The following HOGA1 variants were observed in gnomAD, a reference collection of about 807,000 sequenced individuals.
The protein encoded by HOGA1 is 4-hydroxy-2-oxoglutarate aldolase, mitochondrial.
HOGA1 carries 30 observed loss-of-function variants against 34.3 expected under a neutral mutation model. The ratio of observed to expected loss-of-function variants is 0.87; its 90% CI spans 0.65 to 1.19. The LOEUF (loss-of-function observed/expected upper bound fraction) is 1.19. Ranked by LOEUF, HOGA1 falls within the 50% of genes most tolerant of loss-of-function variation. The probability of loss-of-function intolerance (pLI) is 0.00; values close to 1 mark genes in which losing one functional copy is unlikely to be tolerated. For missense variants in HOGA1, 417 were observed against 436.5 expected (o/e 0.96, Z 0.40); for synonymous variants, 161 against 174.0 (o/e 0.93, Z 0.59).
intron 6 of HOGA1, chr10:97,602,575 G>A: frequency 2.0e-6 from 2 of 985,380 alleles, no homozygotes; most frequent in Non-Finnish European, 2.4e-6. Flanking sequence ...ATGTGCCCCT[G>A]TATTCAAGTT....
chr10:97,586,880 C>A (rs545712316), intron 1 of HOGA1, among the ~76,000 whole-genome samples: 1 of 152,200 alleles, frequency 6.6e-6, no homozygotes, highest in Non-Finnish European at 1.5e-5. Flanking sequence ...CACCCACACA[C>A]CAGAGAGCCA....
Position 97,584,596 on chromosome 10 carries a change from C to T in HOGA1, c.-108C>T, listed in dbSNP as rs1216174899. 2.8e-5 allele frequency: 31 copies of T among 1,108,400 alleles called. No individual in the cohort carries two copies. The highest frequency in any genetic ancestry group is 4.7e-5 in the African/African-American group (3 of 64,376). The allele number at this position is 1,108,400 out of a possible 1,614,324, so 68.7% of individuals were successfully genotyped here. On this transcript the variant is annotated 5_prime_UTR_variant, in exon 1 of 7. Transcript: ENST00000370646. ...CCCAGTGGCCACAAGTCAGGGAGGC[C>T]GCAAATTTTTAACTAGAAACATTGA...
intron 6 of HOGA1, among the ~76,000 whole-genome samples, chr10:97,604,757 A>T (rs1164738898): frequency 6.6e-6 from 1 of 152,072 alleles, no homozygotes; most frequent in Non-Finnish European, 1.5e-5. Context: ...CGAGGCGGGC[A>T]GATCACCTGA....
chr10:97,598,793 C>G lies in HOGA1; in HGVS notation c.230C>G (p.Ser77Cys). 2 of 1,614,178 alleles carry G rather than the reference C, an allele frequency of 1.2e-6. No individual in the cohort carries two copies. The highest frequency in any genetic ancestry group is 1.3e-5 in the African/African-American group (1 of 75,028). ...FPFRGFVVQGSNGEFPFLTSS... is the reference protein window; with the variant it reads ...FPFRGFVVQGCNGEFPFLTSS... ...CTTGCAGGCTTCGTGGTCCAGGGCTCCAATGGCGAGTTTCCTTTCCTGACC... is the reference window on the plus strand; with the variant it reads ...CTTGCAGGCTTCGTGGTCCAGGGCTGCAATGGCGAGTTTCCTTTCCTGACC... The change falls in exon 2 of 7, where the codon TCC becomes TGC. Residue 77 changes from serine (S) to cysteine (C), a missense_variant. Physicochemically the swap from Ser to Cys is moderately radical, Grantham distance 112 (BLOSUM62 -1). Coordinates refer to ENST00000370646, the MANE Select transcript of HOGA1 (RefSeq NM_138413.4).
Position 97,612,104 on chromosome 10 carries a change from A to G in HOGA1, c.*445A>G, listed in dbSNP as rs1812286. On this transcript the variant is annotated 3_prime_UTR_variant, in exon 7 of 7. Coordinates refer to ENST00000370646, the MANE Select transcript of HOGA1 (RefSeq NM_138413.4). ...TGATCTCGCCTCCTGGGTTCAAGCG[A>G]TTCTCCTGCCTCAGCCTCCCGAGTA... The G allele has an allele frequency of 0.39, 60,645 of 155,462 alleles. 12,986 individuals carry two copies. Among genetic ancestry groups the G allele is most frequent in the African/African-American group, 0.58 (23,672 of 40,612 alleles). The allele number at this position is 155,462 out of a possible 1,614,324, so 9.6% of individuals were successfully genotyped here.
In HOGA1 at chr10:97,602,147, C is replaced by G. The variant is rs1318063018; in HGVS notation, c.834+157C>G. 7 of 1,549,240 alleles carry G rather than the reference C, an allele frequency of 4.5e-6. No individual in the cohort carries two copies. In the African/African-American group the frequency reaches 8.2e-5, roughly 18 times the overall value. On this transcript the variant is annotated intron_variant, in intron 6 of 6. Coordinates refer to ENST00000370646, the MANE Select transcript of HOGA1 (RefSeq NM_138413.4). ...CCAGTGTGGGAACTCCTTGTGACTC[C>G]CAGAAAATCCTGACTTCGGACAAAG... is the stretch of plus-strand genomic sequence containing the variant.
rs1254351374 is a variant in HOGA1, at chr10:97,584,807, T to A, written c.104T>A (p.Ile35Asn). The A allele has an allele frequency of 6.2e-7, 1 of 1,613,778 alleles. No homozygotes were observed. The highest frequency in any genetic ancestry group is 8.5e-7 in the Non-Finnish European group (1 of 1,179,874). Residue 35 changes from isoleucine (I) to asparagine (N), a missense_variant, in exon 1 of 7, where the codon ATT (isoleucine) becomes AAT (asparagine). By Grantham distance (149) the Ile-to-Asn change is moderately radical (BLOSUM62 -3). Coordinates refer to ENST00000370646, the MANE Select transcript of HOGA1 (RefSeq NM_138413.4). Reference protein sequence around the residue: ...WASGEGKKVDIAGIYPPVTTP... With the variant: ...WASGEGKKVDNAGIYPPVTTP... ...TCAGGGGAGGGGAAGAAGGTGGACA[T>A]TGCGGGTATCTACCCCCCTGTGACC...
At chr10:97,591,253 G>C (rs1469221178) in intron 1 of HOGA1, among the ~76,000 whole-genome samples, 1 of 152,036 alleles carries the variant, frequency 6.6e-6, no homozygotes, top group African/African-American at 2.4e-5. Context: ...CTGTCGTCTT[G>C]GTGCTATCTT....
chr10:97,589,870 T>A, intron 1 of HOGA1: 1 of 1,577,148 alleles, frequency 6.3e-7, no homozygotes, highest in South Asian at 1.1e-5. Context: ...TGCTGGGGAC[T>A]GCCCTCTTGC....
intron 4 of HOGA1, 108 bp downstream of exon 4, chr10:97,599,922 G>A: frequency 6.4e-7 from 1 of 1,564,732 alleles, no homozygotes; most frequent in Non-Finnish European, 8.8e-7. Context: ...TGGCTTCTGT[G>A]TGGATTCTCT....
chr10:97,594,997 CAAT>C (rs1479142944), intron 1 of HOGA1, among the ~76,000 whole-genome samples: 1 of 152,146 alleles, frequency 6.6e-6, no homozygotes, highest in East Asian at 1.9e-4. Context: ...GAGGAGGTGG[CAAT>C]GATGATGGAC....
In HOGA1 at chr10:97,598,803, G is replaced by A. The variant is rs141831866; in HGVS notation, c.240G>A (p.Glu80=). The change falls in exon 2 of 7, where the codon GAG becomes GAA. Residue 80 remains glutamate (E), a synonymous_variant. Coordinates refer to ENST00000370646, the MANE Select transcript of HOGA1 (RefSeq NM_138413.4). ...RGFVVQGSNG[E]FPFLTSSERL... Reference sequence around the variant, plus strand: ...TCGTGGTCCAGGGCTCCAATGGCGAGTTTCCTTTCCTGACCAGCAGTGAGC... The same window carrying A: ...TCGTGGTCCAGGGCTCCAATGGCGAATTTCCTTTCCTGACCAGCAGTGAGC... 27 of 1,614,096 alleles carry A rather than the reference G, an allele frequency of 1.7e-5. No individual in the cohort carries two copies. The highest frequency in any genetic ancestry group is 1.5e-4 in the Admixed American group (9 of 60,006).
chr10:97,607,930 T>C (rs1292296121), intron 6 of HOGA1, among the ~76,000 whole-genome samples: 1 of 152,222 alleles, frequency 6.6e-6, no homozygotes, highest in Admixed American at 6.5e-5. Context: ...ACATGATTTA[T>C]TATAATTTTA....
intron 1 of HOGA1, among the ~76,000 whole-genome samples, chr10:97,597,566 C>G (rs2041081127): frequency 6.6e-6 from 1 of 152,122 alleles, no homozygotes; most frequent in African/African-American, 2.4e-5. Context: ...ATTCACTTTT[C>G]ACCCAGAAAG....
intron 1 of HOGA1, among the ~76,000 whole-genome samples, chr10:97,592,199 T>C (rs2041030821): frequency 6.6e-6 from 1 of 151,848 alleles, no homozygotes; most frequent in African/African-American, 2.4e-5. Flanking sequence ...GACATTATCA[T>C]TGGTGGAGGC....
At chr10:97,595,011 T>C (rs2041057959) in intron 1 of HOGA1, among the ~76,000 whole-genome samples, 1 of 152,222 alleles carries the variant, frequency 6.6e-6, no homozygotes. Flanking sequence ...GATGATGGAC[T>C]AAGAACGCAT....
intron 1 of HOGA1, among the ~76,000 whole-genome samples, chr10:97,585,876 C>T (rs770979274): frequency 2.0e-5 from 3 of 152,130 alleles, no homozygotes; most frequent in Non-Finnish European, 2.9e-5. Flanking sequence ...CTGGAGTGAG[C>T]GCCTGTAATC....
chr10:97,599,931 C>T, intron 4 of HOGA1, 117 bp downstream of exon 4: 2 of 1,543,708 alleles, frequency 1.3e-6, no homozygotes, highest in South Asian at 1.1e-5. Context: ...TGTGGATTCT[C>T]TCTGTCGTGC....
At chr10:97,596,326 AC>A (rs2041071153) in intron 1 of HOGA1, among the ~76,000 whole-genome samples, 1 of 152,216 alleles carries the variant, frequency 6.6e-6, no homozygotes, top group Non-Finnish European at 1.5e-5. Flanking sequence ...CCTGGAACTG[AC>A]CAGCAGGATG....
Sources: gnomAD v4.1 joint callset for allele counts (sites outside exome capture counted in the v4.1 genomes callset) on GRCh38, gnomAD v4.1.1 for gene constraint, MANE v1.5 for transcripts, NCBI Gene and HGNC (gene_info 2026-07-23, HGNC 2026-07-21) for gene names.